The following NTM variants were observed in gnomAD, a reference collection of about 807,000 sequenced individuals.
The protein encoded by NTM is neurotrimin, also known as IgLON family member 2.
In NTM, 13 loss-of-function variants were observed where a neutral mutation model predicts 42.1. That is an observed-to-expected ratio of 0.31 (90% CI 0.20 to 0.49). The LOEUF (loss-of-function observed/expected upper bound fraction) is 0.49. Among genes scored for constraint, NTM ranks in the 20% least tolerant of loss-of-function variants. NTM has a pLI of 0.99. For synonymous variants in NTM, 187 were observed against 179.2 expected (o/e 1.04, Z -0.35); for missense variants, 373 against 452.8 (o/e 0.82, Z 1.60).
At chr11:131,754,134 G>A (rs1405006535) in intron 1 of NTM, among the ~76,000 whole-genome samples, 1 of 117,554 alleles carries the variant, frequency 8.5e-6, no homozygotes, top group Non-Finnish European at 1.7e-5. Flanking sequence ...GCCTGTTGTG[G>A]GGTGGGGGGA....
At chr11:131,903,321 G>C (rs2053430469) in intron 1 of NTM, among the ~76,000 whole-genome samples, 1 of 152,208 alleles carries the variant, frequency 6.6e-6, no homozygotes, top group South Asian at 2.1e-4. Context: ...CTAGGCTTTA[G>C]GGGAAGATTC....
intron 3 of NTM, among the ~76,000 whole-genome samples, chr11:132,191,281 G>A (rs946612009): frequency 1.3e-5 from 2 of 152,144 alleles, no homozygotes; most frequent in African/African-American, 4.8e-5. Flanking sequence ...ACAAAGTGCT[G>A]GTGCCAGTGA....
intron 1 of NTM, among the ~76,000 whole-genome samples, chr11:131,637,996 G>A (rs1475497941): frequency 6.6e-6 from 1 of 152,086 alleles, no homozygotes; most frequent in Non-Finnish European, 1.5e-5. Flanking sequence ...CATGTCCTCA[G>A]TAGCCGTATT....
At chr11:131,774,035 T>C in intron 1 of NTM, 1 of 983,642 alleles carries the variant, frequency 1.0e-6, no homozygotes. Flanking sequence ...TCAATAGCCT[T>C]GGTGTCATTG....
rs148987651 is a variant in NTM at position 131,729,825 on chromosome 11, C to A, written c.83-181739C>A. On this transcript the variant is annotated intron_variant, in intron 1 of 8. Transcript: ENST00000683400. ...TTTTCTTTATCCATTTATCATCTAT[C>A]AATTGAAATTGTTATCAGTTGATAG... Among the ~76,000 whole-genome samples the A allele has an allele frequency of 8.5e-5, 13 of 152,202 alleles. No homozygotes were observed. In the East Asian group the frequency reaches 2.3e-3, roughly 27 times the overall value.
At chr11:132,253,293 T>C (rs548357958) in intron 4 of NTM, among the ~76,000 whole-genome samples, 7 of 152,184 alleles carry the variant, frequency 4.6e-5, no homozygotes, top group South Asian at 4.1e-4. Context: ...ACAGGAGAGA[T>C]AGCATTACCC....
In NTM at chr11:132,088,979, G is replaced by A. The variant is rs565554815; in HGVS notation, c.168-57303G>A. 2.0e-5 allele frequency among the ~76,000 whole-genome samples: 3 copies of A among 152,214 alleles called. No individual in the cohort carries two copies. In the South Asian group the frequency reaches 6.2e-4, roughly 32 times the overall value. On this transcript the variant is annotated intron_variant, in intron 2 of 8. Coordinates refer to ENST00000683400, the MANE Select transcript of NTM (RefSeq NM_001352005.2). Reference sequence around the variant, plus strand: ...GCCAAATCAAGACTGTAAGAGGAATGCCTAATGATTTCCCATTGAAACTCT... The same window carrying A: ...GCCAAATCAAGACTGTAAGAGGAATACCTAATGATTTCCCATTGAAACTCT...
intron 1 of NTM, chr11:131,671,584 C>T (rs767323821): frequency 5.0e-5 from 49 of 985,204 alleles, no homozygotes; most frequent in African/African-American, 5.2e-5. Context: ...CTGGAGCCCA[C>T]GCTGGGCTGG....
chr11:131,479,360 G>A (rs1017036021), intron 1 of NTM, among the ~76,000 whole-genome samples: 4 of 152,266 alleles, frequency 2.6e-5, no homozygotes, highest in South Asian at 4.1e-4. Flanking sequence ...ATTTGAGAAG[G>A]GTGGGAGAGA....
chr11:132,011,613 C>A (rs960675139), intron 2 of NTM, among the ~76,000 whole-genome samples: 7 of 152,194 alleles, frequency 4.6e-5, no homozygotes, highest in Admixed American at 3.3e-4. Context: ...CAAATTAATT[C>A]TTATAACAAT....
At chr11:131,952,337 CTCT>C (rs2061095855) in intron 2 of NTM, among the ~76,000 whole-genome samples, 1 of 152,160 alleles carries the variant, frequency 6.6e-6, no homozygotes, top group Non-Finnish European at 1.5e-5. Context: ...AGGGCAGGAA[CTCT>C]ATAGTCATCT....
intron 4 of NTM, among the ~76,000 whole-genome samples, chr11:132,253,764 T>G (rs2092219944): frequency 6.6e-6 from 1 of 152,212 alleles, no homozygotes; most frequent in African/African-American, 2.4e-5. Context: ...AGACTGTTTT[T>G]CAGGCTAAGA....
intron 4 of NTM, among the ~76,000 whole-genome samples, chr11:132,267,523 A>G (rs2093261392): frequency 6.6e-6 from 1 of 151,756 alleles, no homozygotes; most frequent in African/African-American, 2.4e-5. Context: ...TTTAAAAAAA[A>G]AAACTCATGG....
intron 3 of NTM, among the ~76,000 whole-genome samples, chr11:132,152,087 C>G (rs1041859574): frequency 6.6e-6 from 1 of 152,204 alleles, no homozygotes; most frequent in Non-Finnish European, 1.5e-5. Context: ...GGTAGCTACA[C>G]CCTAGAGACC....
intron 2 of NTM, among the ~76,000 whole-genome samples, chr11:132,093,683 A>G (rs984064239): frequency 6.6e-6 from 1 of 152,204 alleles, no homozygotes; most frequent in African/African-American, 2.4e-5. Context: ...TCTTTGTAGA[A>G]GGCATTGTGT....
chr11:131,775,233 G>A (rs2086773244), intron 1 of NTM, among the ~76,000 whole-genome samples: 2 of 152,222 alleles, frequency 1.3e-5, no homozygotes, highest in Non-Finnish European at 2.9e-5. Flanking sequence ...TAGATTTGGA[G>A]CATTACAACT....
intron 4 of NTM, among the ~76,000 whole-genome samples, chr11:132,233,442 C>T (rs990072612): frequency 6.6e-6 from 1 of 152,186 alleles, no homozygotes; most frequent in African/African-American, 2.4e-5. Flanking sequence ...TGTCTCATTT[C>T]ATGTCACTAG....
intron 2 of NTM, among the ~76,000 whole-genome samples, chr11:132,100,185 GCTGT>G (rs2061466687): frequency 6.6e-6 from 1 of 152,238 alleles, no homozygotes; most frequent in Admixed American, 6.5e-5. Context: ...CCAAATGAAA[GCTGT>G]CTGATTGGTA....
intron 1 of NTM, among the ~76,000 whole-genome samples, chr11:131,776,879 A>G (rs2087090982): frequency 1.3e-5 from 2 of 152,122 alleles, no homozygotes; most frequent in South Asian, 4.1e-4. Flanking sequence ...GCTTTTGTGT[A>G]CCAGCCTTGA....
Sources: allele counts gnomAD v4.1 joint callset (sites outside exome capture counted in the v4.1 genomes callset), GRCh38; gene constraint gnomAD v4.1.1; transcripts MANE v1.5; gene names NCBI Gene and HGNC (gene_info 2026-07-23, HGNC 2026-07-21).